PCDHA11: variants seen among roughly 807,000 people sequenced by gnomAD.
The protein encoded by PCDHA11 is protocadherin alpha 11, also known as protocadherin alpha-11.
A neutral mutation model predicts 70.3 loss-of-function variants in PCDHA11; 61 were observed. The observed-to-expected ratio is 0.87, with a 90% confidence interval of 0.71 to 1.07. The LOEUF is 1.07. PCDHA11 is among the 50% of genes least tolerant of loss of function. PCDHA11 has a pLI of 0.00. For synonymous variants in PCDHA11, 633 were observed against 555.1 expected (o/e 1.14, Z -1.97); for missense variants, 1,324 against 1,237.5 (o/e 1.07, Z -1.05).
chr5:140,916,732 C>A (rs2077701110), intron 1 of PCDHA11, among the ~76,000 whole-genome samples: 1 of 152,178 alleles, frequency 6.6e-6, no homozygotes, highest in South Asian at 2.1e-4. Flanking sequence ...TTTGTTGCTG[C>A]AAGCTTCACT....
intron 3 of PCDHA11, among the ~76,000 whole-genome samples, chr5:140,990,585 T>C (rs2097401437): frequency 6.6e-6 from 1 of 152,204 alleles, no homozygotes; most frequent in Non-Finnish European, 1.5e-5. Flanking sequence ...TCTTTTCCTA[T>C]AATCACCTGG....
intron 1 of PCDHA11, among the ~76,000 whole-genome samples, chr5:140,970,706 A>G (rs1266484266): frequency 6.6e-6 from 1 of 152,224 alleles, no homozygotes; most frequent in Non-Finnish European, 1.5e-5. Context: ...CTACTACACA[A>G]TGTGTGAACA....
intron 1 of PCDHA11, among the ~76,000 whole-genome samples, chr5:140,900,355 G>A (rs555553636): frequency 1.4e-4 from 21 of 152,070 alleles, no homozygotes; most frequent in East Asian, 3.9e-4. Flanking sequence ...TTGGCTCACC[G>A]CAACCTCTGC....
chr5:140,891,044 CA>C (rs1406159323), intron 1 of PCDHA11, among the ~76,000 whole-genome samples: 9 of 152,030 alleles, frequency 5.9e-5, no homozygotes, highest in African/African-American at 2.2e-4. Flanking sequence ...GTGTGACCCC[CA>C]CAGCACATAG....
At chr5:140,968,170 C>G in intron 1 of PCDHA11, 1 of 1,614,132 alleles carries the variant, frequency 6.2e-7, no homozygotes, top group Middle Eastern at 1.6e-4. Context: ...ATCCACCAAG[C>G]TTCCTGGAGG....
chr5:141,003,258 G>T (rs1029666608), intron 3 of PCDHA11, among the ~76,000 whole-genome samples: 1 of 152,240 alleles, frequency 6.6e-6, no homozygotes, highest in Admixed American at 6.5e-5. Flanking sequence ...TTCCTGGGCA[G>T]TGCCTAAGGG....
intron 1 of PCDHA11, chr5:140,929,315 T>C: frequency 6.4e-7 from 1 of 1,559,382 alleles, no homozygotes; most frequent in African/African-American, 1.4e-5. Context: ...CACGCTAATG[T>C]CAATGCCATG....
chr5:140,997,133 C>G (rs1554255761), intron 3 of PCDHA11, among the ~76,000 whole-genome samples: 1 of 152,092 alleles, frequency 6.6e-6, no homozygotes, highest in Non-Finnish European at 1.5e-5. Flanking sequence ...ACAATGCCCC[C>G]ACACCCCCGC....
At position 141,011,145 on chromosome 5, in the gene PCDHA11, TCTC is replaced by T. The variant is rs1410974061; in HGVS notation, c.*1209_*1211del. The T allele has an allele frequency of 6.5e-6, 1 of 153,734 alleles. No individual in the cohort carries two copies. Among genetic ancestry groups the T allele is most frequent in the Non-Finnish European group, 1.5e-5 (1 of 68,036 alleles). 9.5% of individuals were successfully genotyped at this position (153,734 alleles called of 1,614,324 possible). A position where few individuals can be genotyped will look rare whatever the true frequency, so the allele number is the denominator to read the frequency against. On this transcript the variant is annotated 3_prime_UTR_variant, in exon 4 of 4. Transcript: ENST00000398640. Reference sequence around the variant, plus strand: ...TTATGTGCACTTTGATACACAACCTTCTCTAACCAACTATATATCAAGACCCAA... The same window carrying T: ...TTATGTGCACTTTGATACACAACCTTTAACCAACTATATATCAAGACCCAA...
intron 1 of PCDHA11, among the ~76,000 whole-genome samples, chr5:140,917,270 T>C (rs782142831): frequency 2.6e-5 from 4 of 151,228 alleles, no homozygotes; most frequent in Admixed American, 6.6e-5. Context: ...GTTTGGTTTT[T>C]GTAATGACGC....
intron 1 of PCDHA11, among the ~76,000 whole-genome samples, chr5:140,933,667 C>A (rs2089323484): frequency 6.6e-6 from 1 of 151,936 alleles, no homozygotes. Flanking sequence ...CTCTCTCTGT[C>A]TCTCTCACAT....
At chr5:140,969,342 G>A in intron 1 of PCDHA11, 1 of 1,613,630 alleles carries the variant, frequency 6.2e-7, no homozygotes, top group Non-Finnish European at 8.5e-7. Flanking sequence ...GTGAGACAGT[G>A]GTCAGGGGGT....
intron 1 of PCDHA11, chr5:140,884,544 G>A (rs1554181708): frequency 6.2e-7 from 1 of 1,614,222 alleles, no homozygotes; most frequent in East Asian, 2.2e-5. Flanking sequence ...CCGAGGGTGT[G>A]CTCTGGGGAG....
intron 1 of PCDHA11, among the ~76,000 whole-genome samples, chr5:140,907,664 T>G (rs2073522534): frequency 6.6e-6 from 1 of 152,216 alleles, no homozygotes; most frequent in Non-Finnish European, 1.5e-5. Context: ...CAGCAGTGGC[T>G]GTAGCCAGGT....
rs562713934 is a variant in PCDHA11, at chr5:140,967,172, G to A, written c.2392-11777G>A. 1.1e-5 allele frequency: 17 copies of A among 1,612,080 alleles called. No individual in the cohort carries two copies. The highest frequency in any genetic ancestry group is 2.2e-5 in the East Asian group (1 of 44,778). On this transcript the variant is annotated intron_variant, in intron 1 of 3. Coordinates refer to ENST00000398640, the MANE Select transcript of PCDHA11 (RefSeq NM_018902.5). ...CCCCGTGGCGGTGAGCGCCGTTGAG[G>A]TGGAAATATTGGACATCAACGACAA...
At chr5:140,982,984 G>A (rs558088522) in intron 3 of PCDHA11, among the ~76,000 whole-genome samples, 11 of 151,694 alleles carry the variant, frequency 7.3e-5, no homozygotes, top group Non-Finnish European at 1.5e-4. Flanking sequence ...GAAAGAAAGA[G>A]AAAAAGAAGG....
In PCDHA11 at chr5:140,968,743, C is replaced by G. The variant is rs112674082; in HGVS notation, c.2392-10206C>G. Reference sequence around the variant, plus strand: ...AGAGTGGTAGCACTTTCAACCTGACCGTGGTGGTCCGAGATAATGGAGAGC... The same window carrying G: ...AGAGTGGTAGCACTTTCAACCTGACGGTGGTGGTCCGAGATAATGGAGAGC... On this transcript the variant is annotated intron_variant, in intron 1 of 3. Transcript: ENST00000398640. 10 of 1,614,060 alleles carry G rather than the reference C, an allele frequency of 6.2e-6. No homozygotes were observed. The South Asian group carries it at 9.9e-5, about 16-fold the overall frequency.
intron 1 of PCDHA11, chr5:140,883,975 G>A (rs1167945773): frequency 1.2e-6 from 2 of 1,612,842 alleles, no homozygotes; most frequent in African/African-American, 2.7e-5. Flanking sequence ...TGACGCCCGG[G>A]GCTGGCAGCG....
Position 140,966,357 on chromosome 5 carries a change from T to A in PCDHA11, c.2392-12592T>A, listed in dbSNP as rs3756326. ...AGGTCCAGGGTGAAGGAGATGGGGCTGGAGAGGCTGAGCAGTCCGGGTTCG... is the reference window on the plus strand; with the variant it reads ...AGGTCCAGGGTGAAGGAGATGGGGCAGGAGAGGCTGAGCAGTCCGGGTTCG... On this transcript the variant is annotated intron_variant, in intron 1 of 3. Coordinates refer to ENST00000398640, the MANE Select transcript of PCDHA11 (RefSeq NM_018902.5). The A allele has an allele frequency of 3.3e-4, 131 of 400,654 alleles. 3 individuals are homozygous for A. Among genetic ancestry groups the A allele is most frequent in the East Asian group, 2.0e-3 (56 of 27,900 alleles). The allele number at this position is 400,654 out of a possible 1,614,324, so 24.8% of individuals were successfully genotyped here.
Sources: allele counts gnomAD v4.1 joint callset (sites outside exome capture counted in the v4.1 genomes callset), GRCh38; gene constraint gnomAD v4.1.1; transcripts MANE v1.5; gene names NCBI Gene and HGNC (gene_info 2026-07-23, HGNC 2026-07-21).